NRXN3: variants seen among roughly 807,000 people sequenced by gnomAD.
NRXN3 encodes neurexin III.
NRXN3 carries 32 observed loss-of-function variants against 137.6 expected under a neutral mutation model. The ratio of observed to expected loss-of-function variants is 0.23; its 90% CI spans 0.18 to 0.31. NRXN3 has a LOEUF of 0.31. NRXN3 is among the 10% of genes least tolerant of loss of function. The pLI, the probability that NRXN3 is intolerant of heterozygous loss-of-function variation, is 1.00. For synonymous variants in NRXN3, 798 were observed against 784.5 expected (o/e 1.02, Z -0.29); for missense variants, 1,574 against 2,062.5 (o/e 0.76, Z 4.59).
intron 4 of NRXN3, among the ~76,000 whole-genome samples, chr14:78,610,724 C>G (rs531516471): frequency 3.3e-5 from 5 of 152,152 alleles, no homozygotes; most frequent in Non-Finnish European, 7.3e-5. Context: ...AAGCCATTCT[C>G]TAAGGTTGAC....
chr14:78,945,583 C>A (rs1479587126), intron 10 of NRXN3, among the ~76,000 whole-genome samples: 2 of 152,126 alleles, frequency 1.3e-5, no homozygotes, highest in Non-Finnish European at 2.9e-5. Context: ...AGGTTTAGTT[C>A]CAGCAATTAG....
intron 15 of NRXN3, among the ~76,000 whole-genome samples, chr14:79,366,978 G>A (rs1489716395): frequency 7.7e-6 from 1 of 129,370 alleles, no homozygotes; most frequent in East Asian, 2.4e-4. Flanking sequence ...CAGTCCCTTA[G>A]TCTTTTTTTT....
At chr14:79,076,105 G>T (rs2045926959) in intron 15 of NRXN3, among the ~76,000 whole-genome samples, 1 of 152,132 alleles carries the variant, frequency 6.6e-6, no homozygotes. Context: ...AGAAGGAAGA[G>T]GACAGCTTCT....
At chr14:78,814,036 C>T (rs1227287879) in intron 10 of NRXN3, among the ~76,000 whole-genome samples, 1 of 152,054 alleles carries the variant, frequency 6.6e-6, no homozygotes, top group Non-Finnish European at 1.5e-5. Context: ...CATTATTATT[C>T]ATTACAAATC....
In NRXN3 at chr14:79,163,144, T is replaced by C. The variant is rs183761015; in HGVS notation, c.3262+175003T>C. On this transcript the variant is annotated intron_variant, in intron 15 of 20. Coordinates refer to ENST00000335750, the MANE Select transcript of NRXN3 (RefSeq NM_001330195.2). ...ATAAGTGGTGGACCTTAGGGTTACT[T>C]TGACATGTTTACAAAAATAAACTTA... Among the ~76,000 whole-genome samples the C allele has an allele frequency of 7.9e-5, 12 of 152,050 alleles. No individual in the cohort carries two copies. The East Asian group carries it at 1.6e-3, about 20-fold the overall frequency.
intron 15 of NRXN3, among the ~76,000 whole-genome samples, chr14:79,347,534 G>A (rs903219404): frequency 3.4e-5 from 5 of 148,750 alleles, no homozygotes; most frequent in African/African-American, 4.9e-5. Flanking sequence ...CGATTCTCCT[G>A]CTTCAGCCTC....
chr14:79,255,623 A>G (rs1047115002), intron 15 of NRXN3, among the ~76,000 whole-genome samples: 4 of 152,262 alleles, frequency 2.6e-5, no homozygotes, highest in African/African-American at 9.6e-5. Context: ...TCTAAAAATT[A>G]ATGTTAATTA....
intron 19 of NRXN3, among the ~76,000 whole-genome samples, chr14:79,756,621 C>T (rs900406490): frequency 6.6e-6 from 1 of 152,130 alleles, no homozygotes; most frequent in Non-Finnish European, 1.5e-5. Context: ...CAGCCTGTGC[C>T]AAAGCAGATA....
At position 78,404,276 on chromosome 14, in the gene NRXN3, T is replaced by C. The variant is rs528755050; in HGVS notation, c.757+106416T>C. Among the ~76,000 whole-genome samples, 233 of 151,272 alleles carry C rather than the reference T, an allele frequency of 1.5e-3. 1 individual carries two copies. The highest frequency in any genetic ancestry group is 2.9e-3 in the Non-Finnish European group (195 of 67,884). Reference sequence around the variant, plus strand: ...CAGAAACAGGGTTGCATGTTGTCAATACAGGCTGCAGAAGTCAATAAGCAG... The same window carrying C: ...CAGAAACAGGGTTGCATGTTGTCAACACAGGCTGCAGAAGTCAATAAGCAG... On this transcript the variant is annotated intron_variant, in intron 4 of 20. Transcript: ENST00000335750.
At chr14:79,025,108 C>T (rs144418835) in intron 15 of NRXN3, among the ~76,000 whole-genome samples, 1 of 152,178 alleles carries the variant, frequency 6.6e-6, no homozygotes, top group East Asian at 1.9e-4. Context: ...CATTTTTCTC[C>T]CTAAGTCCTG....
chr14:78,314,666 A>C (rs2078346746), intron 4 of NRXN3, among the ~76,000 whole-genome samples: 1 of 152,174 alleles, frequency 6.6e-6, no homozygotes, highest in African/African-American at 2.4e-5. Flanking sequence ...GAACAGGATA[A>C]GGGGCCTGGT....
At chr14:78,203,803 G>GGTGTGTGT (rs3059003) in intron 1 of NRXN3, among the ~76,000 whole-genome samples, 2 of 133,950 alleles carry the variant, frequency 1.5e-5, no homozygotes, top group Non-Finnish European at 3.2e-5. Context: ...GATCCTTCCA[G>GGTGTGTGT]GTGTGTGTGT....
intron 20 of NRXN3, among the ~76,000 whole-genome samples, chr14:79,823,016 A>C (rs1192876267): frequency 2.0e-5 from 3 of 152,148 alleles, no homozygotes. Flanking sequence ...AAGGAGAGAG[A>C]GCTATTTTGG....
At chr14:78,318,396 G>C (rs1176787917) in intron 4 of NRXN3, among the ~76,000 whole-genome samples, 1 of 152,144 alleles carries the variant, frequency 6.6e-6, no homozygotes. Context: ...CCTCCACTTA[G>C]GTCACCTGAC....
At chr14:79,576,781 G>A (rs1327214435) in intron 16 of NRXN3, among the ~76,000 whole-genome samples, 1 of 152,062 alleles carries the variant, frequency 6.6e-6, no homozygotes, top group Non-Finnish European at 1.5e-5. Flanking sequence ...AAACTCAGTG[G>A]CATCTCTCAT....
intron 14 of NRXN3, among the ~76,000 whole-genome samples, chr14:78,973,854 C>T (rs2099453699): frequency 6.6e-6 from 1 of 152,120 alleles, no homozygotes; most frequent in Non-Finnish European, 1.5e-5. Context: ...GTAGTTAAGG[C>T]AAAGGTAACG....
chr14:79,254,366 C>T lies in NRXN3; in HGVS notation c.3263-212855C>T, dbSNP rs532459296. ...TCTGTTAAAGAAAGAACAATTTGGT[C>T]TCAAGCAGTGGGGAAGATCAGCTCA... On this transcript the variant is annotated intron_variant, in intron 15 of 20. Transcript: ENST00000335750. Among the ~76,000 whole-genome samples the T allele has an allele frequency of 9.4e-4, 143 of 152,234 alleles. 5 individuals are homozygous for T. The South Asian group carries it at 0.028, about 30-fold the overall frequency.
chr14:79,188,138 A>G (rs1481505742), intron 15 of NRXN3, among the ~76,000 whole-genome samples: 1 of 152,224 alleles, frequency 6.6e-6, no homozygotes, highest in Non-Finnish European at 1.5e-5. Flanking sequence ...AGTCATTAAG[A>G]GACATTGCAT....
intron 15 of NRXN3, among the ~76,000 whole-genome samples, chr14:79,383,520 T>C (rs1360363979): frequency 2.0e-5 from 3 of 152,186 alleles, no homozygotes; most frequent in Non-Finnish European, 2.9e-5. Context: ...GCTTGTAAAT[T>C]CCAAGAAACT....
Sources: gnomAD v4.1 joint callset for allele counts (sites outside exome capture counted in the v4.1 genomes callset) on GRCh38, gnomAD v4.1.1 for gene constraint, MANE v1.5 for transcripts, NCBI Gene and HGNC (gene_info 2026-07-23, HGNC 2026-07-21) for gene names.